HECW2: variants seen among roughly 807,000 people sequenced by gnomAD.
HECW2 encodes the protein E3 ubiquitin-protein ligase HECW2.
A neutral mutation model predicts 175.2 loss-of-function variants in HECW2; 61 were observed. The observed-to-expected ratio is 0.35, with a 90% CI of 0.28 to 0.43. HECW2 has a LOEUF of 0.43. Ranked by LOEUF, HECW2 falls within the 20% of genes least tolerant of loss-of-function variation. HECW2 has a pLI of 1.00. For missense variants in HECW2, 1,524 were observed against 2,000.5 expected (o/e 0.76, Z 4.54); for synonymous variants, 671 against 731.0 (o/e 0.92, Z 1.32).
intron 1 of HECW2, among the ~76,000 whole-genome samples, chr2:196,558,291 A>C (rs1022972362): frequency 7.2e-5 from 11 of 152,250 alleles, no homozygotes; most frequent in Non-Finnish European, 1.3e-4. Flanking sequence ...AGAGAAAAGT[A>C]ATGGAAGAAG....
chr2:196,271,107 T>C (rs1689718379), intron 17 of HECW2, 86 bp downstream of exon 17: 2 of 814,310 alleles, frequency 2.5e-6, no homozygotes, highest in Admixed American at 2.4e-5. Flanking sequence ...AAAGAAAGAA[T>C]AAATTTCCAA....
chr2:196,221,587 C>T (rs113336687), intron 24 of HECW2, among the ~76,000 whole-genome samples: 7 of 152,170 alleles, frequency 4.6e-5, no homozygotes, highest in Middle Eastern at 3.4e-3. Flanking sequence ...GAGACAGGGT[C>T]TCACTCTCGT....
intron 4 of HECW2, among the ~76,000 whole-genome samples, chr2:196,330,088 C>T (rs1008626259): frequency 6.6e-5 from 10 of 152,152 alleles, no homozygotes; most frequent in Non-Finnish European, 1.5e-5. Context: ...TATGCTCTCT[C>T]GTCAAGTATT....
At chr2:196,412,566 A>G (rs952936529) in intron 2 of HECW2, among the ~76,000 whole-genome samples, 1 of 152,206 alleles carries the variant, frequency 6.6e-6, no homozygotes, top group East Asian at 1.9e-4. Flanking sequence ...CACATTCAGA[A>G]CACCCTTTAG....
intron 1 of HECW2, among the ~76,000 whole-genome samples, chr2:196,439,163 T>C (rs569013078): frequency 1.3e-5 from 2 of 152,344 alleles, no homozygotes; most frequent in Middle Eastern, 6.8e-3. Flanking sequence ...TGAAATACTG[T>C]GGATGAAAGT....
intron 1 of HECW2, among the ~76,000 whole-genome samples, chr2:196,523,848 C>A (rs1313645331): frequency 6.6e-6 from 1 of 151,978 alleles, no homozygotes; most frequent in Admixed American, 6.6e-5. Context: ...AGTGGATAAG[C>A]TTTTTGATGT....
intron 1 of HECW2, among the ~76,000 whole-genome samples, chr2:196,561,430 C>A (rs1480906673): frequency 6.6e-6 from 1 of 152,174 alleles, no homozygotes; most frequent in Non-Finnish European, 1.5e-5. Flanking sequence ...ACCTTGTGAT[C>A]CCGCCCTGAC....
In HECW2 at chr2:196,322,470, CT is replaced by C; in HGVS notation, c.884+7del. ...TCAACAAGATCCCCAAAGGTAAGGG[CT>C]GATTACCCGATGGCTTGTCGCTCCA... is the stretch of plus-strand genomic sequence containing the variant. On this transcript the variant is annotated splice_region_variant and intron_variant, in intron 7 of 28. Coordinates refer to ENST00000644978, the MANE Select transcript of HECW2 (RefSeq NM_001348768.2). 1.2e-6 allele frequency: 2 copies of C among 1,612,220 alleles called. No homozygotes were observed. Among genetic ancestry groups the C allele is most frequent in the Non-Finnish European group, 1.7e-6 (2 of 1,179,342 alleles).
chr2:196,393,786 A>G (rs774818575), intron 2 of HECW2, among the ~76,000 whole-genome samples: 26 of 152,240 alleles, frequency 1.7e-4, no homozygotes, highest in Non-Finnish European at 3.1e-4. Context: ...CATTTGACCC[A>G]GCTATCCCAT....
chr2:196,441,935 C>T (rs1342148603), intron 1 of HECW2, among the ~76,000 whole-genome samples: 2 of 152,026 alleles, frequency 1.3e-5, no homozygotes, highest in East Asian at 1.9e-4. Flanking sequence ...TTAGGAAAAG[C>T]GTGTTTTCCC....
chr2:196,305,934 C>T (rs150788385), intron 13 of HECW2, among the ~76,000 whole-genome samples: 58 of 152,244 alleles, frequency 3.8e-4, no homozygotes, highest in African/African-American at 1.3e-3. Flanking sequence ...CTCCCTCAGC[C>T]CTCGGAGACT....
chr2:196,307,286 C>CA, intron 11 of HECW2, 53 bp from the exon 12 acceptor site: 1 of 1,192,792 alleles, frequency 8.4e-7, no homozygotes, highest in Non-Finnish European at 1.3e-6. Flanking sequence ...AGATGGGACT[C>CA]AACTGCTCCC....
intron 2 of HECW2, among the ~76,000 whole-genome samples, chr2:196,354,851 C>T (rs1419325321): frequency 1.3e-5 from 2 of 152,114 alleles, no homozygotes; most frequent in Admixed American, 6.5e-5. Flanking sequence ...GTTGGTCACA[C>T]CAAAGCACAA....
chr2:196,252,516 C>T (rs1202406798), intron 19 of HECW2, among the ~76,000 whole-genome samples: 3 of 152,052 alleles, frequency 2.0e-5, no homozygotes, highest in African/African-American at 7.3e-5. Context: ...CACAGGAGAT[C>T]TGATTGTTTA....
chr2:196,387,894 T>G (rs992323799), intron 2 of HECW2, among the ~76,000 whole-genome samples: 6 of 152,234 alleles, frequency 3.9e-5, no homozygotes, highest in African/African-American at 1.4e-4. Context: ...CATTGAAGAG[T>G]AGCAGCAGTA....
intron 23 of HECW2, among the ~76,000 whole-genome samples, chr2:196,224,803 T>G (rs1687791807): frequency 6.6e-6 from 1 of 151,944 alleles, no homozygotes; most frequent in Non-Finnish European, 1.5e-5. Flanking sequence ...AGATAAGAGA[T>G]AAGGCAATGA....
chr2:196,255,347 A>T (rs1322695333), intron 18 of HECW2, among the ~76,000 whole-genome samples: 1 of 151,564 alleles, frequency 6.6e-6, no homozygotes, highest in Non-Finnish European at 1.5e-5. Context: ...ATCTTTCTTT[A>T]TGCCTTTATA....
chr2:196,451,217 C>T (rs1409829543), intron 1 of HECW2, among the ~76,000 whole-genome samples: 2 of 151,670 alleles, frequency 1.3e-5, no homozygotes, highest in Non-Finnish European at 2.9e-5. Flanking sequence ...GGGTGGATCA[C>T]GAGGTCAAGA....
intron 1 of HECW2, among the ~76,000 whole-genome samples, chr2:196,461,662 GA>G (rs2125328363): frequency 6.6e-6 from 1 of 152,296 alleles, no homozygotes; most frequent in South Asian, 2.1e-4. Flanking sequence ...ATTCATGGCA[GA>G]AGGTTAAAGG....
Sources: gnomAD v4.1 joint callset for allele counts (sites outside exome capture counted in the v4.1 genomes callset) on GRCh38, gnomAD v4.1.1 for gene constraint, MANE v1.5 for transcripts, NCBI Gene and HGNC (gene_info 2026-07-23, HGNC 2026-07-21) for gene names.